Variants in TENM3 observed in about 807,000 individuals in gnomAD.
The protein encoded by TENM3 is teneurin transmembrane protein 3, also known as teneurin-3.
TENM3 carries 63 observed loss-of-function variants against 255.1 expected under a neutral mutation model. That is an observed-to-expected ratio of 0.25 (90% CI 0.20 to 0.30). The LOEUF is 0.30. Among genes scored for constraint, TENM3 ranks in the 10% least tolerant of loss-of-function variants. TENM3 has a pLI of 1.00. For missense variants in TENM3, 2,929 were observed against 3,461.1 expected, an observed-to-expected ratio of 0.85 and a Z score of 3.86; for synonymous variants, 1,306 against 1,322.3, an observed-to-expected ratio of 0.99 and a Z score of 0.27.
At chr4:182,163,673 C>T (rs901743992) in intron 1 of TENM3, among the ~76,000 whole-genome samples, 2 of 152,158 alleles carry the variant, frequency 1.3e-5, no homozygotes, top group African/African-American at 4.8e-5. Context: ...CAGGCAGAGC[C>T]TCTTATTGTA....
chr4:182,647,930 C>T (rs1272700132), intron 5 of TENM3, among the ~76,000 whole-genome samples: 1 of 152,122 alleles, frequency 6.6e-6, no homozygotes, highest in Non-Finnish European at 1.5e-5. Context: ...TTGGGAGGGC[C>T]ATGAGCTGAC....
chr4:181,681,678 C>T, the TENM3 span, among the ~76,000 whole-genome samples: 1 of 152,152 alleles, frequency 6.6e-6, no homozygotes, highest in South Asian at 2.1e-4. Flanking sequence ...GATGATACAT[C>T]AAGTAAATGC....
chr4:181,828,273 G>A, the TENM3 span, among the ~76,000 whole-genome samples: 1 of 152,210 alleles, frequency 6.6e-6, no homozygotes, highest in Non-Finnish European at 1.5e-5. Flanking sequence ...CCATCCTGGT[G>A]AATGGACTCT....
At chr4:182,047,026 T>C in the TENM3 span, among the ~76,000 whole-genome samples, 1 of 151,912 alleles carries the variant, frequency 6.6e-6, no homozygotes, top group Non-Finnish European at 1.5e-5. Flanking sequence ...GCTTTACCTC[T>C]AGGAAATGTA....
the TENM3 span, among the ~76,000 whole-genome samples, chr4:181,517,056 T>C: frequency 6.6e-6 from 1 of 152,108 alleles, no homozygotes; most frequent in Non-Finnish European, 1.5e-5. Context: ...AATCCTGGGC[T>C]TATACTCTGG....
At chr4:182,624,365 T>C (rs916044035) in intron 4 of TENM3, among the ~76,000 whole-genome samples, 5 of 152,190 alleles carry the variant, frequency 3.3e-5, no homozygotes, top group African/African-American at 1.2e-4. Flanking sequence ...TGCAAACCTG[T>C]CGCTACCTGA....
chr4:182,396,297 T>G (rs1440027768), intron 3 of TENM3, among the ~76,000 whole-genome samples: 3 of 152,208 alleles, frequency 2.0e-5, no homozygotes, highest in Non-Finnish European at 4.4e-5. Flanking sequence ...GCCTAGTATT[T>G]CTAGAGACAG....
chr4:182,479,245 A>T (rs1428600384), intron 3 of TENM3, among the ~76,000 whole-genome samples: 1 of 151,810 alleles, frequency 6.6e-6, no homozygotes, highest in African/African-American at 2.4e-5. Flanking sequence ...AAATGTTAAA[A>T]TTTTCTAATG....
chr4:182,104,901 T>C, the TENM3 span, among the ~76,000 whole-genome samples: 5 of 152,110 alleles, frequency 3.3e-5, no homozygotes, highest in African/African-American at 1.2e-4. Context: ...GGATTCAGCT[T>C]CACGGTGTGT....
At chr4:181,966,302 C>A in the TENM3 span, among the ~76,000 whole-genome samples, 1 of 152,132 alleles carries the variant, frequency 6.6e-6, no homozygotes, top group Non-Finnish European at 1.5e-5. Context: ...GATGAAAAAA[C>A]AAATCTTGCC....
intron 3 of TENM3, among the ~76,000 whole-genome samples, chr4:182,386,840 C>T (rs1023193261): frequency 1.3e-5 from 2 of 152,238 alleles, no homozygotes; most frequent in East Asian, 1.9e-4. Flanking sequence ...CCCCCGCCTC[C>T]GTGGGTTCCT....
the TENM3 span, among the ~76,000 whole-genome samples, chr4:182,075,201 T>TTTTTC: frequency 2.7e-5 from 1 of 36,894 alleles, no homozygotes; most frequent in African/African-American, 2.7e-4. Context: ...GTTTTTTTTC[T>TTTTTC]TTTTTTTTTT....
At chr4:182,161,904 TAC>T (rs70954294) in intron 1 of TENM3, among the ~76,000 whole-genome samples, 1,021 of 44,972 alleles carry the variant, frequency 0.023, 249 homozygotes, top group African/African-American at 0.053. Flanking sequence ...TGTGTATATA[TAC>T]ACACACATGT....
the TENM3 span, among the ~76,000 whole-genome samples, chr4:181,693,878 G>A: frequency 3.3e-5 from 5 of 152,128 alleles, no homozygotes; most frequent in African/African-American, 9.7e-5. Context: ...ATAAACCTAC[G>A]TGGACCTAGT....
the TENM3 span, among the ~76,000 whole-genome samples, chr4:181,734,464 A>G: frequency 2.0e-5 from 3 of 152,114 alleles, no homozygotes; most frequent in African/African-American, 7.2e-5. Context: ...CTTAGTACTA[A>G]CAATGGAGGA....
At chr4:181,898,879 T>C in the TENM3 span, among the ~76,000 whole-genome samples, 2 of 152,190 alleles carry the variant, frequency 1.3e-5, no homozygotes, top group Admixed American at 1.3e-4. Flanking sequence ...TTACATCTTT[T>C]ATTTCGTTTT....
At chr4:182,008,055 A>G in the TENM3 span, among the ~76,000 whole-genome samples, 4 of 152,052 alleles carry the variant, frequency 2.6e-5, no homozygotes, top group East Asian at 7.7e-4. Context: ...TTGGCCCCCA[A>G]TCTCTTCTGG....
chr4:181,509,757 T>C, the TENM3 span, among the ~76,000 whole-genome samples: 5 of 152,210 alleles, frequency 3.3e-5, no homozygotes, highest in African/African-American at 9.6e-5. Flanking sequence ...TTAGAGAAAG[T>C]TGACACAAAT....
At chr4:182,093,521 G>A in the TENM3 span, among the ~76,000 whole-genome samples, 101 of 152,314 alleles carry the variant, frequency 6.6e-4, 1 homozygote, top group African/African-American at 2.1e-3. Context: ...ATAGGAACAC[G>A]TGTGCAGGAG....
Sources: allele counts gnomAD v4.1 joint callset (sites outside exome capture counted in the v4.1 genomes callset), GRCh38; gene constraint gnomAD v4.1.1; transcripts MANE v1.5; gene names NCBI Gene and HGNC (gene_info 2026-07-23, HGNC 2026-07-21).